Variants in SPAG16 observed in about 807,000 individuals in gnomAD.
SPAG16 encodes sperm-associated antigen 16 protein.
Under a neutral mutation model 80.4 loss-of-function variants are expected in SPAG16, and 86 were observed. The ratio of observed to expected loss-of-function variants is 1.07; its 90% CI spans 0.90 to 1.28. The LOEUF is 1.28. SPAG16 is among the 50% of genes most tolerant of loss of function. The pLI is 0.00. For missense variants in SPAG16, 870 were observed against 765.3 expected (o/e 1.14, Z -1.61); for synonymous variants, 294 against 265.9 (o/e 1.11, Z -1.03).
intron 8 of SPAG16, among the ~76,000 whole-genome samples, chr2:213,367,470 T>C (rs2066370976): frequency 6.6e-6 from 1 of 152,296 alleles, no homozygotes; most frequent in South Asian, 2.1e-4. Flanking sequence ...GACTTTTTAA[T>C]GATCGCCATT....
intron 11 of SPAG16, among the ~76,000 whole-genome samples, chr2:213,875,921 C>G (rs564186635): frequency 6.6e-6 from 1 of 150,944 alleles, no homozygotes; most frequent in African/African-American, 2.4e-5. Flanking sequence ...TAAATATTAA[C>G]CAGAACATTA....
At chr2:213,413,897 C>T (rs339810) in intron 9 of SPAG16, among the ~76,000 whole-genome samples, 1,985 of 152,222 alleles carry the variant, frequency 0.013, 42 homozygotes, top group African/African-American at 0.044. Flanking sequence ...TGGGATATTT[C>T]ACAGTGCAAA....
chr2:213,532,954 T>C (rs1392900644), intron 10 of SPAG16, among the ~76,000 whole-genome samples: 1 of 152,204 alleles, frequency 6.6e-6, no homozygotes, highest in African/African-American at 2.4e-5. Context: ...AAGAAATGTG[T>C]TCATATTTTA....
intron 12 of SPAG16, among the ~76,000 whole-genome samples, chr2:213,994,076 GT>G (rs2046403803): frequency 6.6e-6 from 1 of 152,124 alleles, no homozygotes; most frequent in Admixed American, 6.6e-5. Flanking sequence ...AGAATAATTA[GT>G]GTGATACGAT....
chr2:214,362,256 G>A (rs1699231677), intron 15 of SPAG16, among the ~76,000 whole-genome samples: 1 of 151,838 alleles, frequency 6.6e-6, no homozygotes, highest in African/African-American at 2.4e-5. Flanking sequence ...TTTGGTCAAA[G>A]TAAGTCACAG....
chr2:213,999,843 G>T (rs2046703586), intron 12 of SPAG16, among the ~76,000 whole-genome samples: 1 of 152,214 alleles, frequency 6.6e-6, no homozygotes, highest in South Asian at 2.1e-4. Context: ...TGCCTCACTG[G>T]ATTTCAGACT....
At chr2:213,319,157 T>C (rs1330460172) in intron 5 of SPAG16, among the ~76,000 whole-genome samples, 1 of 151,936 alleles carries the variant, frequency 6.6e-6, no homozygotes, top group Non-Finnish European at 1.5e-5. Context: ...TTCATTTTTA[T>C]TAAATATAGT....
intron 8 of SPAG16, among the ~76,000 whole-genome samples, chr2:213,365,933 G>A (rs1311423895): frequency 6.6e-6 from 1 of 150,402 alleles, no homozygotes; most frequent in East Asian, 2.0e-4. Flanking sequence ...ACGAGGTCAG[G>A]AGATCGAGAC....
chr2:213,665,402 G>A (rs142490535), intron 10 of SPAG16, among the ~76,000 whole-genome samples: 9 of 151,738 alleles, frequency 5.9e-5, no homozygotes, highest in South Asian at 4.1e-4. Context: ...ACAAACACAC[G>A]TGCACATAAA....
At position 213,672,859 on chromosome 2, in the gene SPAG16, GT is replaced by G. The variant is rs750046794; in HGVS notation, c.1070+182786del. 3.1e-3 allele frequency among the ~76,000 whole-genome samples: 388 copies of G among 124,390 alleles called. 1 individual carries two copies. Among genetic ancestry groups the G allele is most frequent in the Middle Eastern group, 9.3e-3 (2 of 214 alleles). The allele number at this position is 124,390 out of a possible 152,430, so 81.6% of individuals were successfully genotyped here. A position where few individuals can be genotyped will look rare whatever the true frequency, so the allele number is the denominator to read the frequency against. On this transcript the variant is annotated intron_variant, in intron 10 of 15. Transcript: ENST00000331683. ...TTTGTTTGTTTGTTTTATTTTGTTTGTTTTTTTTTTTTTTTTTGAGACGGAG... is the reference window on the plus strand; with the variant it reads ...TTTGTTTGTTTGTTTTATTTTGTTTGTTTTTTTTTTTTTTTTGAGACGGAG...
chr2:213,561,991 C>G (rs1238920320), intron 10 of SPAG16, among the ~76,000 whole-genome samples: 1 of 152,158 alleles, frequency 6.6e-6, no homozygotes, highest in African/African-American at 2.4e-5. Context: ...TCATTTTGCT[C>G]TAGCGAAAGT....
chr2:214,298,291 A>G (rs979119674), intron 15 of SPAG16, among the ~76,000 whole-genome samples: 1 of 152,138 alleles, frequency 6.6e-6, no homozygotes, highest in South Asian at 2.1e-4. Context: ...TGATTTTTGT[A>G]TCCTGAAACT....
chr2:214,394,124 C>T (rs368434120), intron 15 of SPAG16, among the ~76,000 whole-genome samples: 1 of 151,992 alleles, frequency 6.6e-6, no homozygotes. Context: ...TTTTACAGTC[C>T]TCATCTAAAT....
rs114342061 is a variant in SPAG16 at position 213,485,874 on chromosome 2, A to G, written c.943-4089A>G. ...ACTCATGGGGAAAGAGGCCTAATAG[A>G]TAGCTTGGCTTCCCGTGGGATGCCT... On this transcript the variant is annotated intron_variant, in intron 9 of 15. Coordinates refer to ENST00000331683, the MANE Select transcript of SPAG16 (RefSeq NM_024532.5). Among the ~76,000 whole-genome samples the G allele has an allele frequency of 9.4e-3, 1,424 of 152,178 alleles. 22 individuals are homozygous for G. Among genetic ancestry groups the G allele is most frequent in the Non-Finnish European group, 0.013 (870 of 68,016 alleles).
At chr2:214,400,830 C>G (rs1047051190) in intron 15 of SPAG16, among the ~76,000 whole-genome samples, 1 of 151,970 alleles carries the variant, frequency 6.6e-6, no homozygotes, top group Non-Finnish European at 1.5e-5. Flanking sequence ...CTGAAGGCTT[C>G]CCTTCCTTCT....
At chr2:214,114,266 G>A (rs937532539) in intron 14 of SPAG16, among the ~76,000 whole-genome samples, 1 of 152,304 alleles carries the variant, frequency 6.6e-6, no homozygotes. Context: ...GTGTCTCCCA[G>A]TTAGGCTACA....
chr2:213,695,513 C>T (rs192201343), intron 10 of SPAG16, among the ~76,000 whole-genome samples: 7 of 152,238 alleles, frequency 4.6e-5, no homozygotes, highest in Admixed American at 2.0e-4. Context: ...CTCAGAAAGA[C>T]GTTCCACTGA....
chr2:213,642,591 C>T (rs999288986), intron 10 of SPAG16, among the ~76,000 whole-genome samples: 9 of 150,430 alleles, frequency 6.0e-5, no homozygotes, highest in African/African-American at 2.2e-4. Context: ...AGAATATAAG[C>T]AGGCAGAAAA....
chr2:213,679,450 C>G (rs1229718928), intron 10 of SPAG16, among the ~76,000 whole-genome samples: 2 of 152,164 alleles, frequency 1.3e-5, no homozygotes, highest in Admixed American at 6.5e-5. Flanking sequence ...AATTGTACCA[C>G]TGGTCCTGAC....
Sources: gnomAD v4.1 joint callset for allele counts (sites outside exome capture counted in the v4.1 genomes callset) on GRCh38, gnomAD v4.1.1 for gene constraint, MANE v1.5 for transcripts, NCBI Gene and HGNC (gene_info 2026-07-23, HGNC 2026-07-21) for gene names.